Variants in LRBA observed in about 807,000 individuals in gnomAD.
LRBA encodes lipopolysaccharide-responsive and beige-like anchor protein.
Under a neutral mutation model 330.0 loss-of-function variants are expected in LRBA, and 176 were observed. The ratio of observed to expected loss-of-function variants is 0.53; its 90% CI spans 0.47 to 0.60. LRBA has a LOEUF of 0.60. LRBA is among the 20% of genes least tolerant of loss of function. The probability of loss-of-function intolerance (pLI) is 0.00; values close to 1 mark genes in which losing one functional copy is unlikely to be tolerated. For missense variants in LRBA, 3,259 were observed against 3,444.8 expected (o/e 0.95, Z 1.35); for synonymous variants, 1,230 against 1,193.0 (o/e 1.03, Z -0.64).
intron 42 of LRBA, among the ~76,000 whole-genome samples, chr4:150,476,839 GC>G (rs1244734855): frequency 2.0e-5 from 3 of 152,150 alleles, no homozygotes; most frequent in African/African-American, 7.2e-5. Flanking sequence ...TACTGTAAGA[GC>G]TCCTGGGTGT....
At chr4:150,400,885 C>G (rs1256625147) in intron 47 of LRBA, among the ~76,000 whole-genome samples, 2 of 152,036 alleles carry the variant, frequency 1.3e-5, no homozygotes. Context: ...AAAGACAGAA[C>G]AAGTAGTTGA....
chr4:150,284,132 C>T (rs1029575634), intron 54 of LRBA, among the ~76,000 whole-genome samples: 1 of 152,160 alleles, frequency 6.6e-6, no homozygotes, highest in African/African-American at 2.4e-5. Flanking sequence ...TGCTGAGACA[C>T]TGTAGATATG....
At chr4:150,823,831 G>GT (rs1745826425) in intron 30 of LRBA, among the ~76,000 whole-genome samples, 1 of 151,954 alleles carries the variant, frequency 6.6e-6, no homozygotes, top group Admixed American at 6.6e-5. Context: ...TTTTATGACA[G>GT]TATCATGCTG....
chr4:150,582,720 C>T (rs72959811), intron 40 of LRBA: 4,720 of 274,480 alleles, frequency 0.017, 176 homozygotes, highest in African/African-American at 0.087. Context: ...CCGCTTCTCT[C>T]GCACACGGTC....
chr4:150,815,012 T>C (rs2126756905), intron 31 of LRBA, among the ~76,000 whole-genome samples: 1 of 152,040 alleles, frequency 6.6e-6, no homozygotes, highest in South Asian at 2.1e-4. Flanking sequence ...AGACTTAAAT[T>C]TTAAAGAATA....
At chr4:150,652,877 T>C (rs993076448) in intron 37 of LRBA, among the ~76,000 whole-genome samples, 2 of 152,220 alleles carry the variant, frequency 1.3e-5, no homozygotes, top group African/African-American at 4.8e-5. Flanking sequence ...GTGATGTTAA[T>C]ATTGGTCTGT....
chr4:151,001,360 A>G (rs1218175715), intron 2 of LRBA, among the ~76,000 whole-genome samples: 3 of 152,008 alleles, frequency 2.0e-5, no homozygotes, highest in Non-Finnish European at 4.4e-5. Context: ...GGGCCTGGGA[A>G]CCACCCTGTC....
At chr4:150,339,063 A>AG (rs1735134893) in intron 48 of LRBA, among the ~76,000 whole-genome samples, 1 of 152,114 alleles carries the variant, frequency 6.6e-6, no homozygotes, top group Admixed American at 6.5e-5. Context: ...TTAGATAATG[A>AG]CAAAAACTAC....
At chr4:150,846,845 C>T (rs1749915965) in intron 26 of LRBA, among the ~76,000 whole-genome samples, 1 of 152,024 alleles carries the variant, frequency 6.6e-6, no homozygotes, top group Non-Finnish European at 1.5e-5. Context: ...ACAGATGGTA[C>T]TGGGGTGGAT....
intron 30 of LRBA, among the ~76,000 whole-genome samples, chr4:150,823,523 C>T (rs1745773574): frequency 1.3e-5 from 2 of 152,038 alleles, no homozygotes; most frequent in South Asian, 4.1e-4. Flanking sequence ...GGGTATTACT[C>T]GAGAAATCTC....
intron 24 of LRBA, among the ~76,000 whole-genome samples, chr4:150,849,800 T>C (rs1319571179): frequency 6.6e-6 from 1 of 152,206 alleles, no homozygotes; most frequent in Non-Finnish European, 1.5e-5. Context: ...ACATAAATAC[T>C]ATTCATTTTA....
intron 37 of LRBA, among the ~76,000 whole-genome samples, chr4:150,671,971 T>C (rs1263266930): frequency 6.6e-6 from 1 of 152,170 alleles, no homozygotes; most frequent in Non-Finnish European, 1.5e-5. Context: ...CAGCAGAGGA[T>C]AGAGACAACA....
At chr4:150,744,946 C>G (rs1732489454) in intron 35 of LRBA, among the ~76,000 whole-genome samples, 1 of 152,192 alleles carries the variant, frequency 6.6e-6, no homozygotes, top group Admixed American at 6.5e-5. Context: ...CCCTAGCATA[C>G]TGCAGAGATT....
chr4:150,995,840 T>C (rs1466365415), intron 2 of LRBA, among the ~76,000 whole-genome samples: 1 of 152,146 alleles, frequency 6.6e-6, no homozygotes, highest in Non-Finnish European at 1.5e-5. Context: ...TTAGAAATAA[T>C]AATTTCTTCT....
intron 34 of LRBA, among the ~76,000 whole-genome samples, chr4:150,788,304 A>C (rs1206148005): frequency 7.6e-6 from 1 of 132,346 alleles, no homozygotes; most frequent in Non-Finnish European, 1.5e-5. Context: ...TCGCCATGTT[A>C]GCCAGGCTGG....
chr4:150,561,659 CT>C (rs1447277212), intron 40 of LRBA, among the ~76,000 whole-genome samples: 3 of 152,136 alleles, frequency 2.0e-5, no homozygotes, highest in Non-Finnish European at 2.9e-5. Flanking sequence ...GAATTCTCCC[CT>C]AGACGCTCTA....
Position 150,918,229 on chromosome 4 carries a change from T to G in LRBA, c.646-1491A>C, listed in dbSNP as rs76193461. ...CAAACTGAATACCTGATAAAGGACT[T>G]GTAACCAAAATATATAAAGTACTCT... On this transcript the variant is annotated intron_variant, in intron 5 of 56. Transcript: ENST00000651943. Among the ~76,000 whole-genome samples the G allele has an allele frequency of 1.9e-3, 291 of 152,298 alleles. 6 individuals are homozygous for G. Among genetic ancestry groups the G allele is most frequent in the African/African-American group, 6.8e-3 (283 of 41,572 alleles).
At chr4:150,459,005 C>T (rs922396764) in intron 44 of LRBA, among the ~76,000 whole-genome samples, 3 of 151,890 alleles carry the variant, frequency 2.0e-5, no homozygotes, top group African/African-American at 7.2e-5. Flanking sequence ...TGGTAGACTT[C>T]ACTGAAGGGA....
intron 9 of LRBA, among the ~76,000 whole-genome samples, chr4:150,912,153 AT>A (rs1298137710): frequency 6.6e-6 from 1 of 151,774 alleles, no homozygotes; most frequent in Non-Finnish European, 1.5e-5. Context: ...AGTTTCACTG[AT>A]TTTTTTCTCA....
Sources: gnomAD v4.1 joint callset for allele counts (sites outside exome capture counted in the v4.1 genomes callset) on GRCh38, gnomAD v4.1.1 for gene constraint, MANE v1.5 for transcripts, NCBI Gene and HGNC (gene_info 2026-07-23, HGNC 2026-07-21) for gene names.